The following EBF2 variants were observed in gnomAD, a reference collection of about 807,000 sequenced individuals.
EBF2 encodes transcription factor COE2.
A neutral mutation model predicts 72.8 loss-of-function variants in EBF2; 21 were observed. That is an observed-to-expected ratio of 0.29 (90% confidence interval 0.20 to 0.42). The LOEUF is 0.42. Ranked by LOEUF, EBF2 falls within the 10% of genes least tolerant of loss-of-function variation. EBF2 has a pLI of 1.00. For synonymous variants in EBF2, 299 were observed against 274.2 expected (o/e 1.09, Z -0.89); for missense variants, 637 against 731.2 (o/e 0.87, Z 1.49).
At chr8:25,936,676 A>G (rs1433319180) in intron 6 of EBF2, among the ~76,000 whole-genome samples, 1 of 152,204 alleles carries the variant, frequency 6.6e-6, no homozygotes, top group Non-Finnish European at 1.5e-5. Context: ...AGTATCATTT[A>G]CAAGAGGGTT....
intron 6 of EBF2, among the ~76,000 whole-genome samples, chr8:25,980,631 G>T (rs531369094): frequency 2.0e-5 from 3 of 151,920 alleles, no homozygotes; most frequent in Admixed American, 1.3e-4. Flanking sequence ...ACACCTCATG[G>T]GAAGAAAGCA....
At chr8:25,887,710 CT>C in intron 9 of EBF2, 131 bp downstream of exon 9, 1 of 1,102,964 alleles carries the variant, frequency 9.1e-7, no homozygotes. Flanking sequence ...GGATACTTAT[CT>C]TCTTAAGAAA....
intron 6 of EBF2, among the ~76,000 whole-genome samples, chr8:25,919,890 G>A (rs1045267910): frequency 6.6e-6 from 1 of 152,222 alleles, no homozygotes; most frequent in African/African-American, 2.4e-5. Context: ...CCTGGAAAAG[G>A]CTGTCACAGG....
At chr8:25,853,570 G>C (rs1802026397) in intron 14 of EBF2, among the ~76,000 whole-genome samples, 1 of 151,954 alleles carries the variant, frequency 6.6e-6, no homozygotes, top group African/African-American at 2.4e-5. Flanking sequence ...CTCTCTGGAG[G>C]GTCTTTGGCA....
At chr8:25,884,814 AG>A in intron 10 of EBF2, among the ~76,000 whole-genome samples, 1 of 152,316 alleles carries the variant, frequency 6.6e-6, no homozygotes, top group East Asian at 1.9e-4. Context: ...GAAAATTCAA[AG>A]GCTAAATTTT....
chr8:26,031,888 C>T (rs541027963), intron 6 of EBF2: 2 of 152,326 alleles, frequency 1.3e-5, no homozygotes, highest in East Asian at 3.9e-4. Flanking sequence ...TATATTTAAG[C>T]TTCTCTGTAC....
chr8:26,034,213 T>C (rs1485744), intron 5 of EBF2, among the ~76,000 whole-genome samples: 1 of 152,192 alleles, frequency 6.6e-6, no homozygotes, highest in African/African-American at 2.4e-5. Flanking sequence ...TTTCAGATGA[T>C]GTAGGAAGAC....
intron 14 of EBF2, among the ~76,000 whole-genome samples, chr8:25,853,731 G>A (rs1802029415): frequency 6.6e-6 from 1 of 151,822 alleles, no homozygotes; most frequent in Non-Finnish European, 1.5e-5. Flanking sequence ...AATAACTTAA[G>A]TGTCCCACAG....
At chr8:26,000,027 A>G (rs1479786573) in intron 6 of EBF2, among the ~76,000 whole-genome samples, 2 of 152,208 alleles carry the variant, frequency 1.3e-5, no homozygotes, top group Non-Finnish European at 2.9e-5. Context: ...GAGCAGCCAG[A>G]AACTCATAAC....
chr8:26,016,836 G>T (rs1452295298), intron 6 of EBF2, among the ~76,000 whole-genome samples: 2 of 152,120 alleles, frequency 1.3e-5, no homozygotes, highest in African/African-American at 4.8e-5. Context: ...ATTGGTTAAG[G>T]TCATCACTTT....
chr8:25,891,432 G>C (rs1802778203), intron 7 of EBF2, among the ~76,000 whole-genome samples: 1 of 151,998 alleles, frequency 6.6e-6, no homozygotes, highest in Non-Finnish European at 1.5e-5. Flanking sequence ...TAGACCTTTT[G>C]AGGAAGGGCA....
At chr8:25,903,814 G>A (rs1802993791) in intron 7 of EBF2, among the ~76,000 whole-genome samples, 1 of 152,350 alleles carries the variant, frequency 6.6e-6, no homozygotes, top group Admixed American at 6.5e-5. Flanking sequence ...CTTTGACAAT[G>A]AAAGAGGAGG....
intron 6 of EBF2, among the ~76,000 whole-genome samples, chr8:25,980,413 T>C (rs1023677215): frequency 6.6e-6 from 1 of 151,966 alleles, no homozygotes; most frequent in Non-Finnish European, 1.5e-5. Context: ...GCAACAATGG[T>C]AAGCGTGCTG....
chr8:25,858,677 TGAG>T (rs1802148698), intron 13 of EBF2, among the ~76,000 whole-genome samples, 173 bp from the exon 14 acceptor site: 1 of 122,836 alleles, frequency 8.1e-6, no homozygotes, highest in Non-Finnish European at 1.7e-5. Context: ...TTTTTTTTTT[TGAG>T]ATAGAGTCTT....
intron 11 of EBF2, 79 bp downstream of exon 11, chr8:25,862,630 A>G (rs1332235788): frequency 4.4e-6 from 5 of 1,131,528 alleles, no homozygotes; most frequent in Middle Eastern, 2.2e-4. Flanking sequence ...TTTTAATGGG[A>G]TGTAAATGCC....
chr8:25,977,469 T>G (rs990960745), intron 6 of EBF2, among the ~76,000 whole-genome samples: 1 of 152,032 alleles, frequency 6.6e-6, no homozygotes, highest in South Asian at 2.1e-4. Context: ...GGAGTGATAA[T>G]TGATTTTCCA....
rs1801791836 is a variant in EBF2, at chr8:25,844,491, G to A, written c.*118C>T. On this transcript the variant is annotated 3_prime_UTR_variant, in exon 16 of 16. Coordinates refer to ENST00000520164, the MANE Select transcript of EBF2 (RefSeq NM_022659.4). ...AGATGCTGGCTCCTTGCAGACCCAA[G>A]GGTGTCCATCATGTTCATGTGGGGG... The A allele has an allele frequency of 8.5e-7, 1 of 1,170,930 alleles. No homozygotes were observed. The highest frequency in any genetic ancestry group is 1.5e-5 in the African/African-American group (1 of 66,246). 72.5% of individuals were successfully genotyped at this position (1,170,930 alleles called of 1,614,324 possible). A position where few individuals can be genotyped will look rare whatever the true frequency, so the allele number is the denominator to read the frequency against.
chr8:25,888,010 T>C (rs1273240542), intron 8 of EBF2, 38 bp from the exon 9 acceptor site: 2 of 1,560,624 alleles, frequency 1.3e-6, no homozygotes, highest in South Asian at 1.2e-5. Flanking sequence ...GTTTGTTCTT[T>C]CATGGGTGTC....
intron 7 of EBF2, among the ~76,000 whole-genome samples, chr8:25,896,833 C>A (rs1434377706): frequency 6.6e-6 from 1 of 152,170 alleles, no homozygotes; most frequent in Non-Finnish European, 1.5e-5. Flanking sequence ...TTAATTCAAT[C>A]CAGGCTAACA....
Sources: gnomAD v4.1 joint callset for allele counts (sites outside exome capture counted in the v4.1 genomes callset) on GRCh38, gnomAD v4.1.1 for gene constraint, MANE v1.5 for transcripts, NCBI Gene and HGNC (gene_info 2026-07-23, HGNC 2026-07-21) for gene names.